Variants in UBE2E2 observed in about 807,000 individuals in gnomAD.
UBE2E2 encodes ubiquitin conjugating enzyme E2 E2.
UBE2E2 carries 6 observed loss-of-function variants against 24.7 expected under a neutral mutation model. The ratio of observed to expected loss-of-function variants is 0.24; its 90% CI spans 0.13 to 0.48. The LOEUF (loss-of-function observed/expected upper bound fraction) is 0.48. Among genes scored for constraint, UBE2E2 ranks in the 20% least tolerant of loss-of-function variants. UBE2E2 has a pLI of 0.99. For synonymous variants in UBE2E2, 104 were observed against 83.6 expected (o/e 1.24, Z -1.33); for missense variants, 169 against 245.0 (o/e 0.69, Z 2.07).
intron 5 of UBE2E2, among the ~76,000 whole-genome samples, chr3:23,560,382 C>T (rs1337833795): frequency 6.6e-6 from 1 of 152,140 alleles, no homozygotes; most frequent in Non-Finnish European, 1.5e-5. Flanking sequence ...CGTGTCCCTA[C>T]AAAGGACATG....
At chr3:23,480,247 T>G (rs1046337762) in intron 3 of UBE2E2, among the ~76,000 whole-genome samples, 1 of 152,224 alleles carries the variant, frequency 6.6e-6, no homozygotes, top group Non-Finnish European at 1.5e-5. Flanking sequence ...CCTGAGCATG[T>G]TCATACCCAG....
At chr3:23,234,937 G>A (rs1043099032) in intron 3 of UBE2E2, among the ~76,000 whole-genome samples, 3 of 152,182 alleles carry the variant, frequency 2.0e-5, no homozygotes, top group African/African-American at 7.2e-5. Context: ...AGGCGCTGAT[G>A]TGTTCAGAAA....
chr3:23,361,918 G>T (rs538480524), intron 3 of UBE2E2, among the ~76,000 whole-genome samples: 24 of 152,232 alleles, frequency 1.6e-4, no homozygotes, highest in African/African-American at 5.8e-4. Context: ...TATAGTACAA[G>T]ACCACTATCT....
At chr3:23,393,880 C>T (rs1003922709) in intron 3 of UBE2E2, among the ~76,000 whole-genome samples, 1 of 152,170 alleles carries the variant, frequency 6.6e-6, no homozygotes, top group Non-Finnish European at 1.5e-5. Context: ...CACTTACTCA[C>T]TTACATATTG....
At chr3:23,527,958 T>C (rs1204725484) in intron 4 of UBE2E2, among the ~76,000 whole-genome samples, 1 of 152,168 alleles carries the variant, frequency 6.6e-6, no homozygotes, top group Non-Finnish European at 1.5e-5. Flanking sequence ...GTGAACTGCT[T>C]TAGCAAATGA....
chr3:23,404,391 T>C (rs1269207425), intron 3 of UBE2E2, among the ~76,000 whole-genome samples: 1 of 152,182 alleles, frequency 6.6e-6, no homozygotes, highest in African/African-American at 2.4e-5. Context: ...CAATGGAGTG[T>C]TTCTGTAACA....
chr3:23,311,125 G>A (rs1694375988), intron 3 of UBE2E2, among the ~76,000 whole-genome samples: 1 of 152,118 alleles, frequency 6.6e-6, no homozygotes, highest in African/African-American at 2.4e-5. Context: ...TTTTGTCCTT[G>A]TGATAGTTTG....
intron 3 of UBE2E2, among the ~76,000 whole-genome samples, chr3:23,405,239 GC>G (rs948314246): frequency 2.0e-5 from 3 of 152,134 alleles, no homozygotes; most frequent in African/African-American, 7.2e-5. Context: ...CTTGGTCAAA[GC>G]ATTTATGCCT....
At chr3:23,444,638 C>T (rs752783912) in intron 3 of UBE2E2, among the ~76,000 whole-genome samples, 1 of 152,134 alleles carries the variant, frequency 6.6e-6, no homozygotes, top group African/African-American at 2.4e-5. Context: ...TATACCATAC[C>T]CTGGAGGGCA....
At chr3:23,223,716 T>G (rs937483128) in intron 3 of UBE2E2, among the ~76,000 whole-genome samples, 2 of 152,182 alleles carry the variant, frequency 1.3e-5, no homozygotes, top group African/African-American at 4.8e-5. Context: ...TTTGGTTGCC[T>G]GTGCTTTTGA....
Position 23,338,480 on chromosome 3 carries a change from A to G in UBE2E2, c.227+121168A>G, listed in dbSNP as rs139353927. 3.6e-3 allele frequency among the ~76,000 whole-genome samples: 542 copies of G among 152,250 alleles called. 1 individual carries two copies. Among genetic ancestry groups the G allele is most frequent in the East Asian group, 6.8e-3 (35 of 5,174 alleles). On this transcript the variant is annotated intron_variant, in intron 3 of 5. Coordinates refer to ENST00000396703, the MANE Select transcript of UBE2E2 (RefSeq NM_152653.4). Reference sequence around the variant, plus strand: ...CCTTATATATTTCTTACTTCTGTTCATGAGAGGGCCTAGAAGCAGTGACAT... The same window carrying G: ...CCTTATATATTTCTTACTTCTGTTCGTGAGAGGGCCTAGAAGCAGTGACAT...
chr3:23,476,860 A>G (rs1362986927), intron 3 of UBE2E2, among the ~76,000 whole-genome samples: 1 of 152,098 alleles, frequency 6.6e-6, no homozygotes, highest in African/African-American at 2.4e-5. Context: ...GGACTAATCA[A>G]ATTGGATTGT....
chr3:23,523,388 A>G (rs908139797), intron 4 of UBE2E2, among the ~76,000 whole-genome samples: 4 of 152,216 alleles, frequency 2.6e-5, no homozygotes, highest in Non-Finnish European at 5.9e-5. Context: ...ACTGAGAAAG[A>G]CTTTTTTCAA....
chr3:23,564,649 T>C (rs1696022226), intron 5 of UBE2E2, among the ~76,000 whole-genome samples: 2 of 152,140 alleles, frequency 1.3e-5, no homozygotes, highest in African/African-American at 4.8e-5. Flanking sequence ...TAAGTAAATA[T>C]GATGTTGAGT....
In UBE2E2 at chr3:23,333,507, G is replaced by A. The variant is rs530439657; in HGVS notation, c.227+116195G>A. On this transcript the variant is annotated intron_variant, in intron 3 of 5. Coordinates refer to ENST00000396703, the MANE Select transcript of UBE2E2 (RefSeq NM_152653.4). ...TCCCCCTAAACCTTTTGTACTCCTA[G>A]GAGACAGATTTTCTGCCACAAAATT... is the stretch of plus-strand genomic sequence containing the variant. 4.9e-4 allele frequency among the ~76,000 whole-genome samples: 75 copies of A among 152,110 alleles called. 1 individual carries two copies. Among genetic ancestry groups the A allele is most frequent in the African/African-American group, 1.8e-3 (74 of 41,514 alleles).
chr3:23,433,099 A>T (rs962457246), intron 3 of UBE2E2, among the ~76,000 whole-genome samples: 3 of 151,930 alleles, frequency 2.0e-5, no homozygotes, highest in Non-Finnish European at 4.4e-5. Context: ...TTGGTGGAAA[A>T]GTGTACCCAG....
intron 3 of UBE2E2, among the ~76,000 whole-genome samples, chr3:23,352,589 G>C (rs1695788283): frequency 6.6e-6 from 1 of 152,208 alleles, no homozygotes; most frequent in African/African-American, 2.4e-5. Context: ...ACTACCATCA[G>C]AGAATACTAC....
upstream of UBE2E2, chr3:23,203,308 G>A (rs1167298221): frequency 1.0e-6 from 1 of 987,038 alleles, no homozygotes; most frequent in Non-Finnish European, 1.2e-6. Flanking sequence ...GCGTGGTCGG[G>A]TGCGTGGTGC....
At chr3:23,565,363 A>C (rs1318148904) in intron 5 of UBE2E2, among the ~76,000 whole-genome samples, 4 of 151,236 alleles carry the variant, frequency 2.6e-5, no homozygotes, top group African/African-American at 9.7e-5. Context: ...AGAGAGGCCC[A>C]ACTCTAATTA....
Sources: gnomAD v4.1 joint callset for allele counts (sites outside exome capture counted in the v4.1 genomes callset) on GRCh38, gnomAD v4.1.1 for gene constraint, MANE v1.5 for transcripts, NCBI Gene and HGNC (gene_info 2026-07-23, HGNC 2026-07-21) for gene names.